Variants in SEMA5A observed in about 807,000 individuals in gnomAD.
The protein encoded by SEMA5A is semaphorin-5A.
In SEMA5A, 55 loss-of-function variants were observed where a neutral mutation model predicts 135.5. The ratio of observed to expected loss-of-function variants is 0.41; its 90% CI spans 0.33 to 0.51. SEMA5A has a LOEUF of 0.51. SEMA5A is among the 20% of genes least tolerant of loss of function. The probability of loss-of-function intolerance (pLI) is 0.37; values close to 1 mark genes in which losing one functional copy is unlikely to be tolerated. For missense variants in SEMA5A, 1,290 were observed against 1,419.9 expected (o/e 0.91, Z 1.47); for synonymous variants, 580 against 546.5 (o/e 1.06, Z -0.85).
At chr5:9,302,243 G>T (rs1751646600) in intron 5 of SEMA5A, among the ~76,000 whole-genome samples, 1 of 152,110 alleles carries the variant, frequency 6.6e-6, no homozygotes, top group African/African-American at 2.4e-5. Context: ...AGAAGTTTCA[G>T]GAATTAGATA....
At chr5:9,495,115 C>T (rs1252047235) in intron 1 of SEMA5A, among the ~76,000 whole-genome samples, 1 of 152,166 alleles carries the variant, frequency 6.6e-6, no homozygotes, top group Non-Finnish European at 1.5e-5. Context: ...TTTCTTTCCC[C>T]TTTGAGGCTG....
At chr5:9,113,460 C>A (rs1416799989) in intron 15 of SEMA5A, among the ~76,000 whole-genome samples, 1 of 152,160 alleles carries the variant, frequency 6.6e-6, no homozygotes, top group African/African-American at 2.4e-5. Flanking sequence ...GGTCTTCCCA[C>A]CACACACACA....
intron 5 of SEMA5A, among the ~76,000 whole-genome samples, chr5:9,285,476 G>A (rs1055340661): frequency 6.6e-6 from 1 of 152,146 alleles, no homozygotes; most frequent in Admixed American, 6.5e-5. Context: ...AAACTCTTTA[G>A]TCTCTCAACA....
At chr5:9,167,309 T>G (rs1295779345) in intron 11 of SEMA5A, among the ~76,000 whole-genome samples, 1 of 152,116 alleles carries the variant, frequency 6.6e-6, no homozygotes, top group East Asian at 1.9e-4. Context: ...CTCTCTGGCT[T>G]CAAAGAAGGA....
chr5:9,125,765 GC>G (rs1741074234), intron 13 of SEMA5A, among the ~76,000 whole-genome samples: 1 of 152,054 alleles, frequency 6.6e-6, no homozygotes, highest in African/African-American at 2.4e-5. Context: ...GGAGAACCAA[GC>G]CTTGCATGAC....
chr5:9,334,285 T>G (rs575743274), intron 4 of SEMA5A, among the ~76,000 whole-genome samples: 13 of 152,242 alleles, frequency 8.5e-5, no homozygotes, highest in Non-Finnish European at 1.8e-4. Flanking sequence ...TTCTGAAATA[T>G]ACACCTGTTA....
chr5:9,347,111 A>G (rs1361432151), intron 3 of SEMA5A, among the ~76,000 whole-genome samples: 3 of 152,190 alleles, frequency 2.0e-5, no homozygotes, highest in Non-Finnish European at 4.4e-5. Flanking sequence ...TATCACGAAA[A>G]AAGACCCAAA....
intron 5 of SEMA5A, among the ~76,000 whole-genome samples, chr5:9,292,996 G>A (rs1052704775): frequency 4.6e-5 from 7 of 152,294 alleles, no homozygotes; most frequent in East Asian, 1.9e-4. Context: ...GATGCGAAAC[G>A]TGATCGAGGC....
intron 5 of SEMA5A, among the ~76,000 whole-genome samples, chr5:9,302,537 C>G (rs1357394453): frequency 6.6e-6 from 1 of 152,168 alleles, no homozygotes; most frequent in East Asian, 1.9e-4. Flanking sequence ...ATTTCATGCT[C>G]TCATTCATGT....
chr5:9,499,116 C>G (rs1049040163), intron 1 of SEMA5A, among the ~76,000 whole-genome samples: 1 of 152,162 alleles, frequency 6.6e-6, no homozygotes, highest in African/African-American at 2.4e-5. Context: ...GTGGTGCCAC[C>G]TGGTGGAACA....
chr5:9,320,726 C>G (rs1752592888), intron 4 of SEMA5A, among the ~76,000 whole-genome samples: 1 of 152,016 alleles, frequency 6.6e-6, no homozygotes, highest in Non-Finnish European at 1.5e-5. Flanking sequence ...TCAACAACAA[C>G]AAAAAGTCCT....
chr5:9,274,703 A>C (rs1750163018), intron 5 of SEMA5A, among the ~76,000 whole-genome samples: 1 of 152,212 alleles, frequency 6.6e-6, no homozygotes, highest in African/African-American at 2.4e-5. Context: ...AACTACATGG[A>C]AAGTGAACAA....
intron 1 of SEMA5A, among the ~76,000 whole-genome samples, chr5:9,490,453 A>C (rs1020818152): frequency 6.6e-6 from 1 of 152,204 alleles, no homozygotes; most frequent in Non-Finnish European, 1.5e-5. Context: ...ATTTGAAAAA[A>C]AAATTTTAAT....
At chr5:9,221,372 G>C (rs900775182) in intron 8 of SEMA5A, among the ~76,000 whole-genome samples, 4 of 145,564 alleles carry the variant, frequency 2.7e-5, no homozygotes, top group Admixed American at 1.4e-4. Flanking sequence ...GCGCGATCTC[G>C]GCTTACTGCA....
At chr5:9,172,350 A>G (rs909822650) in intron 11 of SEMA5A, among the ~76,000 whole-genome samples, 2 of 152,214 alleles carry the variant, frequency 1.3e-5, no homozygotes, top group African/African-American at 2.4e-5. Flanking sequence ...ACAGTTTACC[A>G]AGGACAAATC....
chr5:9,300,375 T>C (rs10072507), intron 5 of SEMA5A, among the ~76,000 whole-genome samples: 21,217 of 152,056 alleles, frequency 0.14, 1,572 homozygotes, highest in South Asian at 0.19. Context: ...AACAGGATAG[T>C]CCCCTACAAC....
intron 5 of SEMA5A, among the ~76,000 whole-genome samples, chr5:9,282,318 G>A (rs1212629762): frequency 6.6e-6 from 1 of 152,188 alleles, no homozygotes; most frequent in Non-Finnish European, 1.5e-5. Context: ...GAAGTTGATT[G>A]GAAAGACATG....
chr5:9,198,679 G>C (rs1745545864), intron 9 of SEMA5A, among the ~76,000 whole-genome samples: 1 of 152,176 alleles, frequency 6.6e-6, no homozygotes, highest in Admixed American at 6.5e-5. Flanking sequence ...CACCAGCTAT[G>C]GGTTTGTTCA....
intron 3 of SEMA5A, among the ~76,000 whole-genome samples, chr5:9,365,814 C>T (rs1754891922): frequency 2.0e-5 from 3 of 152,144 alleles, no homozygotes; most frequent in Admixed American, 6.6e-5. Flanking sequence ...TTGCCCCCAC[C>T]CTCCCACTAC....
Sources: allele counts gnomAD v4.1 joint callset (sites outside exome capture counted in the v4.1 genomes callset), GRCh38; gene constraint gnomAD v4.1.1; transcripts MANE v1.5; gene names NCBI Gene and HGNC (gene_info 2026-07-23, HGNC 2026-07-21).